The following BFSP2 variants were observed in gnomAD, a reference collection of about 807,000 sequenced individuals.
The protein encoded by BFSP2 is phakinin.
Under a neutral mutation model 44.9 loss-of-function variants are expected in BFSP2, and 38 were observed. The ratio of observed to expected loss-of-function variants is 0.85; its 90% CI spans 0.65 to 1.11. The LOEUF (loss-of-function observed/expected upper bound fraction) is 1.11. Ranked by LOEUF, BFSP2 falls within the 50% of genes least tolerant of loss-of-function variation. BFSP2 has a pLI of 0.00. For synonymous variants in BFSP2, 197 were observed against 209.9 expected, an observed-to-expected ratio of 0.94 and a Z score of 0.53; for missense variants, 525 against 533.0, an observed-to-expected ratio of 0.99 and a Z score of 0.15.
intron 4 of BFSP2, among the ~76,000 whole-genome samples, chr3:133,462,274 A>C (rs1396776885): frequency 6.6e-6 from 1 of 152,266 alleles, no homozygotes; most frequent in Admixed American, 6.5e-5. Context: ...GGTTTAAATA[A>C]AAATAGCATG....
chr3:133,412,973 G>C (rs895275409), intron 1 of BFSP2, among the ~76,000 whole-genome samples: 2 of 152,196 alleles, frequency 1.3e-5, no homozygotes, highest in African/African-American at 4.8e-5. Flanking sequence ...GCGCCAGAAT[G>C]TATCTGAGTA....
chr3:133,415,351 T>TCTACTCACCCCTGCCCCCTCCCCC (rs778560398), intron 1 of BFSP2, among the ~76,000 whole-genome samples: 4 of 25,966 alleles, frequency 1.5e-4, no homozygotes, highest in Non-Finnish European at 2.0e-4. Flanking sequence ...TCCTCTCCCC[T>TCTACTCACCCCTGCCCCCTCCCCC]CTACTCACCC....
chr3:133,416,831 CTACTCAGCCCTGTTCTCTCCCCTT>C (rs1220041927), intron 1 of BFSP2, among the ~76,000 whole-genome samples: 2 of 146,414 alleles, frequency 1.4e-5, no homozygotes, highest in Non-Finnish European at 3.0e-5. Flanking sequence ...CCTCTCCCCT[CTACTCAGCCCTGTTCTCTCCCCTT>C]TACTCACCCC....
At chr3:133,411,179 C>T (rs557597485) in intron 1 of BFSP2, among the ~76,000 whole-genome samples, 1,008 of 26,094 alleles carry the variant, frequency 0.039, 7 homozygotes, top group African/African-American at 0.1. Context: ...AGTATAACAC[C>T]GAAAAAAAAA....
At chr3:133,468,458 T>A (rs934668994) in intron 5 of BFSP2, among the ~76,000 whole-genome samples, 5 of 152,184 alleles carry the variant, frequency 3.3e-5, no homozygotes, top group African/African-American at 1.2e-4. Context: ...GGATAACTCT[T>A]CTCTGTATCA....
chr3:133,448,365 G>C (rs2073923047), intron 2 of BFSP2, 124 bp from the exon 3 acceptor site: 1 of 1,245,402 alleles, frequency 8.0e-7, no homozygotes. Context: ...CAAATCTATT[G>C]AAACAGTGAC....
intron 4 of BFSP2, among the ~76,000 whole-genome samples, chr3:133,456,459 G>A (rs59181710): frequency 0.14 from 21,924 of 152,186 alleles, 1,801 homozygotes; most frequent in African/African-American, 0.22. Flanking sequence ...CTGGCCTCAA[G>A]GGGTTATACA....
intron 5 of BFSP2, among the ~76,000 whole-genome samples, chr3:133,470,780 C>T (rs1047763630): frequency 8.5e-5 from 13 of 152,186 alleles, no homozygotes; most frequent in African/African-American, 2.2e-4. Context: ...GTGGAAAAGA[C>T]GTGCCCATAA....
intron 1 of BFSP2, among the ~76,000 whole-genome samples, chr3:133,431,050 C>T (rs1287690080): frequency 7.1e-6 from 1 of 141,046 alleles, no homozygotes; most frequent in Admixed American, 7.5e-5. Flanking sequence ...TCTTTTTCAT[C>T]AAATATAAAA....
At chr3:133,448,451 G>T in intron 2 of BFSP2, 38 bp from the exon 3 acceptor site, 1 of 1,611,404 alleles carries the variant, frequency 6.2e-7, no homozygotes. Context: ...TTTCTTTTGG[G>T]CTACTCAGTT....
At chr3:133,447,469 G>A (rs2073914180) in intron 2 of BFSP2, 70 bp downstream of exon 2, 2 of 1,491,762 alleles carry the variant, frequency 1.3e-6, no homozygotes, top group African/African-American at 1.4e-5. Context: ...GGATAATGCT[G>A]TTCTGGAGCC....
chr3:133,414,998 G>A (rs544140112), intron 1 of BFSP2, among the ~76,000 whole-genome samples: 7 of 101,642 alleles, frequency 6.9e-5, no homozygotes, highest in Non-Finnish European at 1.3e-4. Flanking sequence ...ACTCACCCTT[G>A]TCCTCTCTCC....
chr3:133,435,405 C>A (rs2073771162), intron 1 of BFSP2, among the ~76,000 whole-genome samples: 1 of 152,166 alleles, frequency 6.6e-6, no homozygotes, highest in African/African-American at 2.4e-5. Flanking sequence ...ATGACCGGAC[C>A]CCTTCCATCA....
intron 4 of BFSP2, among the ~76,000 whole-genome samples, chr3:133,459,294 T>C (rs2074041153): frequency 6.6e-6 from 1 of 151,836 alleles, no homozygotes; most frequent in African/African-American, 2.4e-5. Context: ...CAGTGAGCTA[T>C]GATCTTATCG....
chr3:133,452,661 C>G (rs7623519), intron 4 of BFSP2, among the ~76,000 whole-genome samples: 32,822 of 152,062 alleles, frequency 0.22, 4,345 homozygotes, highest in African/African-American at 0.38. Context: ...CACGATCACA[C>G]AGCTGGTTGA....
At chr3:133,410,847 A>G (rs1405916509) in intron 1 of BFSP2, 1 of 167,740 alleles carries the variant, frequency 6.0e-6, no homozygotes, top group East Asian at 1.8e-4. Context: ...CCTAAGTCAC[A>G]CATTCAGAGC....
intron 1 of BFSP2, among the ~76,000 whole-genome samples, chr3:133,425,847 GGGAAA>G (rs1183676100): frequency 8.1e-6 from 1 of 122,842 alleles, no homozygotes; most frequent in African/African-American, 3.4e-5. Flanking sequence ...AAATAAAGAA[GGGAAA>G]GGAAGGGAAG....
At chr3:133,473,438 CAAAAAAA>C (rs748691333) in intron 6 of BFSP2, among the ~76,000 whole-genome samples, 14 of 73,126 alleles carry the variant, frequency 1.9e-4, no homozygotes, top group African/African-American at 2.6e-4. Flanking sequence ...GAGGCAGCAG[CAAAAAAA>C]AAAAAAAAAA....
intron 1 of BFSP2, among the ~76,000 whole-genome samples, chr3:133,431,520 C>T (rs1036284436): frequency 1.3e-5 from 2 of 152,178 alleles, no homozygotes; most frequent in Non-Finnish European, 2.9e-5. Context: ...ACTCACCTGG[C>T]AGCCACTCCC....
Sources: allele counts gnomAD v4.1 joint callset (sites outside exome capture counted in the v4.1 genomes callset), GRCh38; gene constraint gnomAD v4.1.1; transcripts MANE v1.5; gene names NCBI Gene and HGNC (gene_info 2026-07-23, HGNC 2026-07-21).